PRKCE: variants seen among roughly 807,000 people sequenced by gnomAD.
PRKCE encodes the protein protein kinase C epsilon, also known as protein kinase C epsilon type.
In PRKCE, 16 loss-of-function variants were observed where a neutral mutation model predicts 85.4. The observed-to-expected ratio is 0.19, with a 90% CI of 0.13 to 0.28. The LOEUF (loss-of-function observed/expected upper bound fraction) is 0.28, where lower values mean the gene tolerates loss of function less well. Among genes scored for constraint, PRKCE ranks in the 10% least tolerant of loss-of-function variants. The pLI, the probability that PRKCE is intolerant of heterozygous loss-of-function variation, is 1.00. For missense variants in PRKCE, 573 were observed against 975.2 expected, an observed-to-expected ratio of 0.59 and a Z score of 5.49; for synonymous variants, 388 against 371.5, an observed-to-expected ratio of 1.04 and a Z score of -0.51.
chr2:45,798,993 C>T (rs1260281728), intron 1 of PRKCE, among the ~76,000 whole-genome samples: 1 of 151,818 alleles, frequency 6.6e-6, no homozygotes, highest in Non-Finnish European at 1.5e-5. Context: ...TGGTGAAACC[C>T]CGTCTCTACT....
chr2:45,905,855 G>C lies in PRKCE; in HGVS notation c.412+62792G>C, dbSNP rs750324868. Among the ~76,000 whole-genome samples the C allele has an allele frequency of 6.6e-6, 1 of 152,220 alleles. No homozygotes were observed. The highest frequency in any genetic ancestry group is 2.4e-5 in the African/African-American group (1 of 41,462). On this transcript the variant is annotated intron_variant, in intron 2 of 14. Coordinates refer to ENST00000306156, the MANE Select transcript of PRKCE (RefSeq NM_005400.3). The surrounding 1 kb of genome is among the most constrained non-coding windows in gnomAD (Gnocchi z 4.4). ...TGGGTGAGATGTGGCTCCCACAGTG[G>C]GAATAATTTCCTTGAAGGTCTTTAC...
At chr2:46,003,448 C>T (rs2104744454) in intron 7 of PRKCE, among the ~76,000 whole-genome samples, 1 of 152,314 alleles carries the variant, frequency 6.6e-6, no homozygotes, top group Non-Finnish European at 1.5e-5. Context: ...AATTTACCAA[C>T]AAATATCAAT....
At chr2:45,908,918 G>A (rs1274790152) in intron 2 of PRKCE, among the ~76,000 whole-genome samples, 3 of 152,090 alleles carry the variant, frequency 2.0e-5, no homozygotes, top group Non-Finnish European at 2.9e-5. Context: ...CCTCTATTCT[G>A]GCAGCTTTCT....
chr2:45,689,706 G>C (rs1006411995), intron 1 of PRKCE, among the ~76,000 whole-genome samples: 6 of 151,958 alleles, frequency 3.9e-5, no homozygotes, highest in African/African-American at 1.4e-4. Context: ...GACCAGCCTG[G>C]GCAACATGGT....
intron 10 of PRKCE, among the ~76,000 whole-genome samples, chr2:46,079,069 C>A (rs1251439403): frequency 2.0e-5 from 3 of 149,600 alleles, no homozygotes; most frequent in Admixed American, 6.7e-5. Flanking sequence ...CCCAGCTACC[C>A]GGGAGGCTGA....
chr2:45,765,988 G>A (rs533579131), intron 1 of PRKCE, among the ~76,000 whole-genome samples: 6 of 152,288 alleles, frequency 3.9e-5, no homozygotes, highest in South Asian at 2.1e-4. Context: ...AAGTCCAGAC[G>A]TTGGTTCCAA....
intron 2 of PRKCE, among the ~76,000 whole-genome samples, chr2:45,884,932 G>A (rs1276638036): frequency 3.6e-5 from 5 of 138,378 alleles, no homozygotes; most frequent in Admixed American, 7.3e-5. Context: ...TATAAGCTGC[G>A]TGTGATCTGT....
At chr2:45,927,779 A>C (rs909459837) in intron 2 of PRKCE, among the ~76,000 whole-genome samples, 62 of 152,318 alleles carry the variant, frequency 4.1e-4, no homozygotes, top group African/African-American at 1.5e-3. Flanking sequence ...CTAGCAGCTG[A>C]TGTGTGCTGA....
rs1393757486 is a variant in PRKCE at position 45,727,767 on chromosome 2, G to A, written c.348+75319G>A. ...GCTCCTGGGTTCAAGCGATTCTCCC[G>A]CTTCAGCCTCCTGAGTAGCTGGGAT... On this transcript the variant is annotated intron_variant, in intron 1 of 14. Coordinates refer to ENST00000306156, the MANE Select transcript of PRKCE (RefSeq NM_005400.3). Among the ~76,000 whole-genome samples, 7 of 152,208 alleles carry A rather than the reference G, an allele frequency of 4.6e-5. No individual in the cohort carries two copies. The East Asian group carries it at 5.8e-4, about 13-fold the overall frequency.
chr2:46,006,182 A>G (rs1283669232), intron 8 of PRKCE, among the ~76,000 whole-genome samples: 2 of 152,238 alleles, frequency 1.3e-5, no homozygotes, highest in Non-Finnish European at 2.9e-5. Context: ...CAGAAATAAG[A>G]CATAGTTTCT....
chr2:46,124,144 G>T (rs558657016), intron 11 of PRKCE, among the ~76,000 whole-genome samples: 3 of 152,272 alleles, frequency 2.0e-5, no homozygotes, highest in South Asian at 2.1e-4. Context: ...GGCCAACATG[G>T]TGAAACCCCA....
At chr2:46,109,352 G>A (rs1387676866) in intron 11 of PRKCE, among the ~76,000 whole-genome samples, 1 of 152,056 alleles carries the variant, frequency 6.6e-6, no homozygotes, top group African/African-American at 2.4e-5. Flanking sequence ...TATTTATTTA[G>A]ATCTTCCTTG....
intron 10 of PRKCE, among the ~76,000 whole-genome samples, chr2:46,026,409 CTA>C (rs2104915179): frequency 6.6e-6 from 1 of 152,254 alleles, no homozygotes; most frequent in East Asian, 1.9e-4. Context: ...GCGTAGAAGA[CTA>C]TGCAGAAACA....
At chr2:45,935,623 C>G (rs968717538) in intron 2 of PRKCE, among the ~76,000 whole-genome samples, 1 of 152,068 alleles carries the variant, frequency 6.6e-6, no homozygotes, top group Admixed American at 6.5e-5. Flanking sequence ...CCCATCTCTA[C>G]TAAAAATACA....
At chr2:45,683,082 G>A (rs1226584902) in intron 1 of PRKCE, among the ~76,000 whole-genome samples, 1 of 152,150 alleles carries the variant, frequency 6.6e-6, no homozygotes, top group African/African-American at 2.4e-5. Flanking sequence ...TTATCCTCTT[G>A]ACAAATCCAG....
chr2:45,900,002 A>G (rs566863368), intron 2 of PRKCE, among the ~76,000 whole-genome samples: 1 of 152,208 alleles, frequency 6.6e-6, no homozygotes, highest in Non-Finnish European at 1.5e-5. Context: ...CTCTGACTAT[A>G]TATTGCACAG....
intron 2 of PRKCE, among the ~76,000 whole-genome samples, chr2:45,939,316 G>T (rs1246200187): frequency 6.6e-6 from 1 of 152,146 alleles, no homozygotes; most frequent in Non-Finnish European, 1.5e-5. Flanking sequence ...AGCCAGCACT[G>T]CCACCTTCCC....
intron 11 of PRKCE, among the ~76,000 whole-genome samples, chr2:46,086,604 A>T (rs1669661454): frequency 1.3e-5 from 2 of 152,192 alleles, no homozygotes; most frequent in Admixed American, 1.3e-4. Context: ...AAGCTCAAGC[A>T]TGACATTTTA....
chr2:45,882,274 A>T (rs561462485), intron 2 of PRKCE, among the ~76,000 whole-genome samples: 36 of 152,134 alleles, frequency 2.4e-4, no homozygotes, highest in Non-Finnish European at 4.7e-4. Context: ...TTTTCATGTC[A>T]GTTGTCTTTT....
Sources: allele counts gnomAD v4.1 joint callset (sites outside exome capture counted in the v4.1 genomes callset), GRCh38; gene constraint gnomAD v4.1.1; non-coding constraint Gnocchi (gnomAD v3.1); transcripts MANE v1.5; gene names NCBI Gene and HGNC (gene_info 2026-07-23, HGNC 2026-07-21).